CCBE1: variants seen among roughly 807,000 people sequenced by gnomAD.
CCBE1 encodes collagen and calcium binding EGF domains 1, also known as collagen and calcium-binding EGF domain-containing protein 1.
Under a neutral mutation model 50.0 loss-of-function variants are expected in CCBE1, and 37 were observed. The observed-to-expected ratio is 0.74, with a 90% CI of 0.57 to 0.97. CCBE1 has a LOEUF of 0.97. CCBE1 is among the 50% of genes least tolerant of loss of function. The pLI is 0.00. For synonymous variants in CCBE1, 234 were observed against 203.7 expected, an observed-to-expected ratio of 1.15 and a Z score of -1.27; for missense variants, 538 against 523.8, an observed-to-expected ratio of 1.03 and a Z score of -0.26.
At chr18:59,593,521 T>A (rs1212332748) in intron 2 of CCBE1, among the ~76,000 whole-genome samples, 1 of 152,246 alleles carries the variant, frequency 6.6e-6, no homozygotes. Flanking sequence ...ATTGCCATCC[T>A]CCTTCAGTAG....
chr18:59,436,776 C>T (rs1910176536), intron 10 of CCBE1, among the ~76,000 whole-genome samples: 1 of 152,054 alleles, frequency 6.6e-6, no homozygotes, highest in Non-Finnish European at 1.5e-5. Flanking sequence ...CAAGACCAAC[C>T]TGGAAAACAT....
At chr18:59,613,983 C>T (rs999487388) in intron 2 of CCBE1, among the ~76,000 whole-genome samples, 6 of 149,094 alleles carry the variant, frequency 4.0e-5, no homozygotes, top group African/African-American at 1.5e-4. Flanking sequence ...ATGCGATTCT[C>T]GTTCTTCAGC....
At chr18:59,625,582 T>C (rs895543387) in intron 2 of CCBE1, among the ~76,000 whole-genome samples, 3 of 152,158 alleles carry the variant, frequency 2.0e-5, no homozygotes, top group Non-Finnish European at 2.9e-5. Context: ...TCAAGGAGAC[T>C]GAATTAGTTC....
intron 2 of CCBE1, among the ~76,000 whole-genome samples, chr18:59,488,944 T>C (rs566941280): frequency 1.8e-4 from 28 of 152,116 alleles, no homozygotes; most frequent in African/African-American, 6.0e-4. Flanking sequence ...AAGGAGCCCC[T>C]GCTATAGTCT....
At chr18:59,692,018 G>A (rs940288920) in intron 2 of CCBE1, among the ~76,000 whole-genome samples, 3 of 152,156 alleles carry the variant, frequency 2.0e-5, no homozygotes, top group Admixed American at 1.3e-4. Flanking sequence ...GGAGGTAGCA[G>A]GAAACAAAGA....
chr18:59,474,489 C>T (rs544739045), intron 3 of CCBE1, among the ~76,000 whole-genome samples: 1 of 152,288 alleles, frequency 6.6e-6, no homozygotes, highest in South Asian at 2.1e-4. Context: ...CAAATCCTTG[C>T]CTGAGAGTGA....
At chr18:59,543,384 A>T (rs1915544191) in intron 2 of CCBE1, among the ~76,000 whole-genome samples, 1 of 152,236 alleles carries the variant, frequency 6.6e-6, no homozygotes, top group Non-Finnish European at 1.5e-5. Flanking sequence ...TCCTCCCAGA[A>T]AAAGACTTAA....
At chr18:59,439,219 G>A (rs1030394035) in intron 9 of CCBE1, among the ~76,000 whole-genome samples, 2 of 152,182 alleles carry the variant, frequency 1.3e-5, no homozygotes, top group African/African-American at 2.4e-5. Flanking sequence ...CTCGGGAGGT[G>A]GAGCTTGCCG....
chr18:59,444,429 C>G (rs894656765), intron 7 of CCBE1, among the ~76,000 whole-genome samples: 12 of 152,040 alleles, frequency 7.9e-5, no homozygotes, highest in African/African-American at 2.4e-4. Flanking sequence ...AATCTCCACA[C>G]TCTTTTCCAC....
intron 2 of CCBE1, among the ~76,000 whole-genome samples, chr18:59,597,999 G>C (rs191096503): frequency 5.9e-5 from 9 of 152,264 alleles, no homozygotes; most frequent in Admixed American, 5.9e-4. Context: ...AGGGAGAGAA[G>C]AAAGAAAGGA....
At chr18:59,612,293 T>TAAAAAAAAAAA (rs5825349) in intron 2 of CCBE1, among the ~76,000 whole-genome samples, 1 of 100,826 alleles carries the variant, frequency 9.9e-6, no homozygotes, top group African/African-American at 3.4e-5. Flanking sequence ...TAAAGTATAA[T>TAAAAAAAAAAA]AAAAAAAAAA....
rs1041296381 is a variant in CCBE1 at position 59,617,148 on chromosome 18, G to C, written c.212+79481C>G. Among the ~76,000 whole-genome samples, 13 of 152,288 alleles carry C rather than the reference G, an allele frequency of 8.5e-5. No homozygotes were observed. In the South Asian group the frequency reaches 2.5e-3, roughly 29 times the overall value. On this transcript the variant is annotated intron_variant, in intron 2 of 10. Transcript: ENST00000439986. ...ATACCAGTGTACAGTACAAAGAAGA[G>C]GGCAGTAATAACCAAGATCATCATC...
intron 2 of CCBE1, among the ~76,000 whole-genome samples, chr18:59,497,587 G>C (rs1230155777): frequency 2.0e-5 from 3 of 152,154 alleles, no homozygotes; most frequent in Admixed American, 2.0e-4. Context: ...AGCATGCAGA[G>C]GCGCTGGTTA....
chr18:59,638,348 G>A (rs2053942203), intron 2 of CCBE1, among the ~76,000 whole-genome samples: 1 of 152,218 alleles, frequency 6.6e-6, no homozygotes, highest in South Asian at 2.1e-4. Context: ...ATCAGCACAA[G>A]ATAAGGATAT....
intron 2 of CCBE1, among the ~76,000 whole-genome samples, chr18:59,605,214 C>A (rs1342590036): frequency 6.6e-6 from 1 of 152,202 alleles, no homozygotes. Flanking sequence ...GTGATATGAA[C>A]TTTGATCTTT....
chr18:59,663,076 A>T (rs1029683988), intron 2 of CCBE1, among the ~76,000 whole-genome samples: 2 of 151,714 alleles, frequency 1.3e-5, no homozygotes, highest in Admixed American at 6.6e-5. Context: ...TTTACTGAAT[A>T]TTTCCCATGT....
chr18:59,589,755 C>T (rs757777420), intron 2 of CCBE1, among the ~76,000 whole-genome samples: 8 of 135,748 alleles, frequency 5.9e-5, no homozygotes, highest in African/African-American at 8.4e-5. Context: ...GCCGAGATTG[C>T]GCCACTGCCA....
At chr18:59,437,742 A>G (rs1910225273) in intron 10 of CCBE1, among the ~76,000 whole-genome samples, 1 of 152,200 alleles carries the variant, frequency 6.6e-6, no homozygotes, top group African/African-American at 2.4e-5. Flanking sequence ...GCAGTGGCTA[A>G]ATTCTCAAGT....
intron 5 of CCBE1, 35 bp downstream of exon 5, chr18:59,466,704 G>A (rs1466131692): frequency 2.6e-6 from 4 of 1,534,656 alleles, no homozygotes; most frequent in Non-Finnish European, 3.6e-6. Context: ...ATAAAAATAT[G>A]TAATTAGGGA....
Sources: allele counts gnomAD v4.1 joint callset (sites outside exome capture counted in the v4.1 genomes callset), GRCh38; gene constraint gnomAD v4.1.1; transcripts MANE v1.5; gene names NCBI Gene and HGNC (gene_info 2026-07-23, HGNC 2026-07-21).